TANC1: variants seen among roughly 807,000 people sequenced by gnomAD.
The protein encoded by TANC1 is tetratricopeptide repeat, ankyrin repeat and coiled-coil containing 1, also known as protein TANC1.
Under a neutral mutation model 149.7 loss-of-function variants are expected in TANC1, and 77 were observed. The observed-to-expected ratio is 0.51, with a 90% CI of 0.43 to 0.62. TANC1 has a LOEUF of 0.62. Among genes scored for constraint, TANC1 ranks in the 20% least tolerant of loss-of-function variants. TANC1 has a pLI of 0.00. For missense variants in TANC1, 1,985 were observed against 2,321.8 expected, an observed-to-expected ratio of 0.85 and a Z score of 2.98; for synonymous variants, 854 against 925.0, an observed-to-expected ratio of 0.92 and a Z score of 1.39.
At chr2:159,131,849 A>G (rs377162155) in intron 4 of TANC1, among the ~76,000 whole-genome samples, 2 of 152,354 alleles carry the variant, frequency 1.3e-5, no homozygotes, top group Admixed American at 1.3e-4. Flanking sequence ...TTTAAATACA[A>G]GGATCATGCA....
chr2:159,036,683 A>G lies in TANC1; in HGVS notation c.-15-29213A>G, dbSNP rs188682183. Reference sequence around the variant, plus strand: ...CTTCATCCATGTTCCTACAAAGGACATGAACTCATCCTTTTTTATGGCTGC... The same window carrying G: ...CTTCATCCATGTTCCTACAAAGGACGTGAACTCATCCTTTTTTATGGCTGC... On this transcript the variant is annotated intron_variant, in intron 2 of 26. Coordinates refer to ENST00000263635, the MANE Select transcript of TANC1 (RefSeq NM_033394.3). Among the ~76,000 whole-genome samples the G allele has an allele frequency of 4.6e-5, 7 of 152,382 alleles. No individual in the cohort carries two copies. The East Asian group carries it at 9.6e-4, about 21-fold the overall frequency.
intron 7 of TANC1, among the ~76,000 whole-genome samples, chr2:159,161,374 G>A (rs913178867): frequency 1.3e-4 from 20 of 152,310 alleles, no homozygotes; most frequent in African/African-American, 4.8e-4. Context: ...TGTTGGAGTA[G>A]CCTGTGAACC....
chr2:159,004,452 G>A, intron 2 of TANC1: 1 of 745,174 alleles, frequency 1.3e-6, no homozygotes, highest in East Asian at 2.7e-5. Context: ...TATTAATAAT[G>A]CTGTTTGTTC....
At chr2:159,068,567 TC>T (rs1186576890) in intron 3 of TANC1, among the ~76,000 whole-genome samples, 6 of 152,320 alleles carry the variant, frequency 3.9e-5, no homozygotes, top group African/African-American at 1.4e-4. Flanking sequence ...TTAGTATCCT[TC>T]AATGGAAACC....
chr2:158,995,646 C>G (rs1002801074), intron 1 of TANC1, among the ~76,000 whole-genome samples: 1 of 152,192 alleles, frequency 6.6e-6, no homozygotes, highest in Non-Finnish European at 1.5e-5. Context: ...AGTCTTATAC[C>G]TGTCTCCATT....
chr2:158,988,177 T>C (rs1389025134), intron 1 of TANC1, among the ~76,000 whole-genome samples: 2 of 151,484 alleles, frequency 1.3e-5, no homozygotes, highest in Non-Finnish European at 2.9e-5. Context: ...GTACAAAAAT[T>C]AGCCGGTCGT....
chr2:158,986,557 G>A (rs954045382), intron 1 of TANC1, among the ~76,000 whole-genome samples: 6 of 152,174 alleles, frequency 3.9e-5, no homozygotes, highest in Non-Finnish European at 8.8e-5. Flanking sequence ...CCCAGGAGGT[G>A]CTTCAGTAGG....
chr2:159,059,546 C>G (rs879044141), intron 2 of TANC1, among the ~76,000 whole-genome samples: 5 of 152,040 alleles, frequency 3.3e-5, no homozygotes, highest in Admixed American at 2.6e-4. Flanking sequence ...GAACCAAAGG[C>G]CAATTCTTTA....
intron 2 of TANC1, among the ~76,000 whole-genome samples, chr2:159,016,852 G>A (rs894093443): frequency 1.3e-5 from 2 of 152,132 alleles, no homozygotes; most frequent in African/African-American, 4.8e-5. Flanking sequence ...GGGATTACAG[G>A]TGTGAGCCAC....
At chr2:159,142,309 G>C (rs2051464966) in intron 5 of TANC1, among the ~76,000 whole-genome samples, 1 of 152,200 alleles carries the variant, frequency 6.6e-6, no homozygotes, top group Admixed American at 6.5e-5. Flanking sequence ...ATACGGAGAA[G>C]GTATTTACAT....
chr2:158,974,156 C>G (rs1206416705), intron 1 of TANC1, among the ~76,000 whole-genome samples: 2 of 152,142 alleles, frequency 1.3e-5, no homozygotes, highest in African/African-American at 4.8e-5. Context: ...TTCTGGTCCT[C>G]CTTGCTTCTT....
At chr2:159,013,306 C>G (rs895500769) in intron 2 of TANC1, among the ~76,000 whole-genome samples, 2 of 152,038 alleles carry the variant, frequency 1.3e-5, no homozygotes, top group East Asian at 3.9e-4. Context: ...AATTGTGTCT[C>G]GAGAGGGTGA....
At chr2:159,219,597 G>A (rs1381662728) in intron 21 of TANC1, 95 bp from the exon 22 acceptor site, 2 of 1,486,638 alleles carry the variant, frequency 1.3e-6, no homozygotes, top group African/African-American at 2.8e-5. Flanking sequence ...ACTGACACTT[G>A]GTTCAGGCCG....
At chr2:159,135,274 C>T (rs1024289992) in intron 4 of TANC1, among the ~76,000 whole-genome samples, 4 of 152,234 alleles carry the variant, frequency 2.6e-5, no homozygotes, top group African/African-American at 9.6e-5. Flanking sequence ...TGAATCGATA[C>T]TTCATTCCTT....
At chr2:158,990,061 C>T (rs2035458533) in intron 1 of TANC1, among the ~76,000 whole-genome samples, 1 of 151,840 alleles carries the variant, frequency 6.6e-6, no homozygotes, top group Admixed American at 6.6e-5. Flanking sequence ...GGTTACAGGC[C>T]CCTGCCACCA....
At chr2:159,183,902 C>G (rs190377022) in intron 14 of TANC1, among the ~76,000 whole-genome samples, 1 of 152,086 alleles carries the variant, frequency 6.6e-6, no homozygotes, top group Non-Finnish European at 1.5e-5. Context: ...TTGCGTGTCC[C>G]CTCCCATTGC....
At chr2:159,000,762 C>A (rs771465189) in intron 1 of TANC1, among the ~76,000 whole-genome samples, 19 of 151,932 alleles carry the variant, frequency 1.3e-4, no homozygotes, top group Non-Finnish European at 2.5e-4. Context: ...GGTCATGAAG[C>A]AAGAGTATGG....
chr2:159,196,632 C>T lies in TANC1; in HGVS notation c.3004C>T (p.Gln1002Ter), dbSNP rs751543023. Residue 1002 changes from glutamine to a stop codon, truncating the protein, a stop_gained, in exon 18 of 27, where the codon CAG becomes TAG. Coordinates refer to ENST00000263635, the MANE Select transcript of TANC1 (RefSeq NM_033394.3). LOFTEE classifies it high-confidence loss of function. ...VRVDHLDKKG[Q>*]CALVHSALRG... ...GGTGGACCACTTGGATAAGAAGGGC[C>T]AGTGTGCGCTTGTCCACAGTGCCCT... 6.2e-7 allele frequency: 1 copy of T among 1,605,998 alleles called. No individual in the cohort carries two copies.
At position 158,975,632 on chromosome 2, in the gene TANC1, C is replaced by T. The variant is rs573123238; in HGVS notation, c.-126+6850C>T. ...AGGCGGGCGGGTAGAGACAGGGTCT[C>T]ACCATGTTGCCCAGGCTCGTCTCGA... On this transcript the variant is annotated intron_variant, in intron 1 of 26. Coordinates refer to ENST00000263635, the MANE Select transcript of TANC1 (RefSeq NM_033394.3). Among the ~76,000 whole-genome samples, 7 of 150,934 alleles carry T rather than the reference C, an allele frequency of 4.6e-5. No homozygotes were observed. In the East Asian group the frequency reaches 1.4e-3, roughly 29 times the overall value.
Sources: gnomAD v4.1 joint callset for allele counts (sites outside exome capture counted in the v4.1 genomes callset) on GRCh38, gnomAD v4.1.1 for gene constraint, MANE v1.5 for transcripts, NCBI Gene and HGNC (gene_info 2026-07-23, HGNC 2026-07-21) for gene names.